Variants in GDAP1 observed in about 807,000 individuals in gnomAD.
GDAP1 encodes ganglioside induced differentiation associated protein 1, also known as ganglioside-induced differentiation-associated protein 1.
A neutral mutation model predicts 40.1 loss-of-function variants in GDAP1; 34 were observed. The observed-to-expected ratio is 0.85, with a 90% CI of 0.64 to 1.13. The LOEUF (loss-of-function observed/expected upper bound fraction) is 1.13. GDAP1 is among the 50% of genes most tolerant of loss of function. The probability of loss-of-function intolerance (pLI) is 0.00; values close to 1 mark genes in which losing one functional copy is unlikely to be tolerated. For missense variants in GDAP1, 374 were observed against 433.7 expected, an observed-to-expected ratio of 0.86 and a Z score of 1.22; for synonymous variants, 170 against 157.4, an observed-to-expected ratio of 1.08 and a Z score of -0.60.
chr8:74,378,376 T>C (rs973991120), intron 2 of GDAP1, among the ~76,000 whole-genome samples: 2 of 152,168 alleles, frequency 1.3e-5, no homozygotes, highest in African/African-American at 4.8e-5. Flanking sequence ...CAGCGTTCTT[T>C]ACCTAGATGA....
chr8:74,384,070 A>C (rs945336923), intron 2 of GDAP1, among the ~76,000 whole-genome samples: 1 of 152,188 alleles, frequency 6.6e-6, no homozygotes, highest in African/African-American at 2.4e-5. Flanking sequence ...TTTGGAATAC[A>C]ATCAGCTGAA....
At position 74,404,271 on chromosome 8, in the gene GDAP1, C is replaced by A. The variant is rs540364535; in HGVS notation, c.165+52950C>A. Among the ~76,000 whole-genome samples the A allele has an allele frequency of 8.1e-4, 121 of 149,408 alleles. 1 individual carries two copies. The highest frequency in any genetic ancestry group is 1.8e-3 in the Admixed American group (28 of 15,184). ...TATTAGGTTGGTGCAAAAGTAATTG[C>A]AGTTTTGACTATTACTTTTAAATGG... On this transcript the variant is annotated intron_variant, in intron 2 of 2. Transcript: ENST00000523640.
intron 2 of GDAP1, among the ~76,000 whole-genome samples, chr8:74,420,246 T>TA (rs796529703): frequency 3.7e-4 from 57 of 152,218 alleles, no homozygotes; most frequent in African/African-American, 1.2e-3. Flanking sequence ...TGGAGTGTCA[T>TA]AAAAAATGGA....
chr8:74,422,285 T>TTTTC (rs556852017), intron 2 of GDAP1, among the ~76,000 whole-genome samples: 897 of 87,706 alleles, frequency 0.01, 24 homozygotes, highest in Middle Eastern at 0.017. Context: ...TTCTTTTTTC[T>TTTTC]TTTCTTTCTT....
intron 2 of GDAP1, among the ~76,000 whole-genome samples, chr8:74,460,008 G>T (rs757297391): frequency 6.6e-6 from 1 of 152,112 alleles, no homozygotes; most frequent in African/African-American, 2.4e-5. Flanking sequence ...TATCTGTGTT[G>T]GTGGCAATCT....
chr8:74,362,191 A>G (rs989884398), intron 4 of GDAP1, among the ~76,000 whole-genome samples: 2 of 152,228 alleles, frequency 1.3e-5, no homozygotes, highest in African/African-American at 4.8e-5. Context: ...GCAGATATTG[A>G]GCATGCTGGT....
downstream of GDAP1, among the ~76,000 whole-genome samples, chr8:74,371,672 A>G (rs1477346732): frequency 6.6e-6 from 1 of 152,144 alleles, no homozygotes; most frequent in Non-Finnish European, 1.5e-5. Context: ...AAAAAAAAAA[A>G]GAAAATATTT....
intron 2 of GDAP1, among the ~76,000 whole-genome samples, chr8:74,465,066 A>T (rs773956116): frequency 6.6e-6 from 1 of 151,802 alleles, no homozygotes; most frequent in East Asian, 1.9e-4. Flanking sequence ...CTAAAATACA[A>T]CAAGTTAGCT....
intron 2 of GDAP1, among the ~76,000 whole-genome samples, chr8:74,447,042 T>G (rs1387983017): frequency 6.6e-6 from 1 of 152,136 alleles, no homozygotes; most frequent in Non-Finnish European, 1.5e-5. Flanking sequence ...TAATCAAATA[T>G]AATCTTTCCA....
At chr8:74,379,420 C>G (rs1025797906) in intron 2 of GDAP1, among the ~76,000 whole-genome samples, 7 of 152,112 alleles carry the variant, frequency 4.6e-5, no homozygotes, top group African/African-American at 1.7e-4. Context: ...TTCACATCAC[C>G]TGTTTAGACC....
chr8:74,437,102 T>A (rs1331300834), intron 2 of GDAP1, among the ~76,000 whole-genome samples: 1 of 152,190 alleles, frequency 6.6e-6, no homozygotes, highest in East Asian at 1.9e-4. Context: ...GTGTAAGAAG[T>A]CATGGAATAA....
chr8:74,388,420 C>T (rs1810057880), intron 2 of GDAP1, among the ~76,000 whole-genome samples: 1 of 152,010 alleles, frequency 6.6e-6, no homozygotes, highest in South Asian at 2.1e-4. Flanking sequence ...TTATTTCTGT[C>T]TTAATTTTGT....
At chr8:74,419,670 CATT>C (rs1195040939) in intron 2 of GDAP1, among the ~76,000 whole-genome samples, 2 of 152,008 alleles carry the variant, frequency 1.3e-5, no homozygotes, top group Non-Finnish European at 2.9e-5. Flanking sequence ...AATTTAATGA[CATT>C]ATATTTATTT....
intron 2 of GDAP1, among the ~76,000 whole-genome samples, chr8:74,419,750 G>T (rs1805832193): frequency 6.6e-6 from 1 of 151,994 alleles, no homozygotes; most frequent in Non-Finnish European, 1.5e-5. Flanking sequence ...AGGTTATTAA[G>T]AATTATCTCT....
At chr8:74,360,729 G>A (rs957263144) in intron 3 of GDAP1, among the ~76,000 whole-genome samples, 4 of 152,200 alleles carry the variant, frequency 2.6e-5, no homozygotes, top group African/African-American at 9.7e-5. Context: ...GGACTAGAGG[G>A]TGTCTAACTA....
At chr8:74,353,794 T>G (rs568603470) in intron 2 of GDAP1, among the ~76,000 whole-genome samples, 1 of 152,334 alleles carries the variant, frequency 6.6e-6, no homozygotes, top group South Asian at 2.1e-4. Context: ...CTGCTATAAA[T>G]TAGTGTTTAG....
rs755537589 is a variant in GDAP1, at chr8:74,365,171, G to T, written c.*804G>T. The T allele has an allele frequency of 2.2e-6, 1 of 454,024 alleles. No homozygotes were observed. The highest frequency in any genetic ancestry group is 1.6e-5 in the South Asian group (1 of 64,470). The allele number at this position is 454,024 out of a possible 1,614,324, so 28.1% of individuals were successfully genotyped here. Reference sequence around the variant, plus strand: ...CTAATCACTAGCATGTCTAGGTATTGGCTGGGTAGTGGGTATTTTGATGAT... The same window carrying T: ...CTAATCACTAGCATGTCTAGGTATTTGCTGGGTAGTGGGTATTTTGATGAT... On this transcript the variant is annotated 3_prime_UTR_variant, in exon 6 of 6. Coordinates refer to ENST00000220822, the MANE Select transcript of GDAP1 (RefSeq NM_018972.4).
In GDAP1 at chr8:74,365,275, T is replaced by A. The variant is rs1185003437; in HGVS notation, c.*908T>A. 1 of 454,008 alleles carries A rather than the reference T, an allele frequency of 2.2e-6. No individual in the cohort carries two copies. The highest frequency in any genetic ancestry group is 2.0e-5 in the African/African-American group (1 of 50,018). 28.1% of individuals were successfully genotyped at this position (454,008 alleles called of 1,614,324 possible). A position where few individuals can be genotyped will look rare whatever the true frequency, so the allele number is the denominator to read the frequency against. On this transcript the variant is annotated 3_prime_UTR_variant, in exon 6 of 6. Coordinates refer to ENST00000220822, the MANE Select transcript of GDAP1 (RefSeq NM_018972.4). ...CAAAAATTGTTGTCCAGATCTTTCA[T>A]CTGTTTATGATCATCAACAAAGACT... is the stretch of plus-strand genomic sequence containing the variant.
chr8:74,447,843 G>A (rs1042497134), intron 2 of GDAP1, among the ~76,000 whole-genome samples: 2 of 152,070 alleles, frequency 1.3e-5, no homozygotes, highest in Non-Finnish European at 2.9e-5. Flanking sequence ...ATGACCTTTA[G>A]GCTATGTTTA....
Sources: gnomAD v4.1 joint callset for allele counts (sites outside exome capture counted in the v4.1 genomes callset) on GRCh38, gnomAD v4.1.1 for gene constraint, MANE v1.5 for transcripts, NCBI Gene and HGNC (gene_info 2026-07-23, HGNC 2026-07-21) for gene names.